CPNE4: variants seen among roughly 807,000 people sequenced by gnomAD.
The protein encoded by CPNE4 is copine-4.
In CPNE4, 25 loss-of-function variants were observed where a neutral mutation model predicts 67.9. The observed-to-expected ratio is 0.37, with a 90% CI of 0.27 to 0.51. The LOEUF (loss-of-function observed/expected upper bound fraction) is 0.51. Ranked by LOEUF, CPNE4 falls within the 20% of genes least tolerant of loss-of-function variation. CPNE4 has a pLI of 0.93. For synonymous variants in CPNE4, 242 were observed against 244.9 expected (o/e 0.99, Z 0.11); for missense variants, 464 against 690.8 (o/e 0.67, Z 3.68).
chr3:131,728,681 C>T (rs1032395976), intron 2 of CPNE4, among the ~76,000 whole-genome samples: 6 of 151,750 alleles, frequency 4.0e-5, no homozygotes, highest in Admixed American at 1.3e-4. Flanking sequence ...GAGGCCGAGG[C>T]GGGCGGATCA....
chr3:131,860,504 T>G (rs1426692953), intron 2 of CPNE4, among the ~76,000 whole-genome samples: 1 of 152,180 alleles, frequency 6.6e-6, no homozygotes, highest in Non-Finnish European at 1.5e-5. Context: ...CTCAGAGAAT[T>G]AAGACATCTG....
At chr3:131,843,915 TTTC>T (rs2085893721) in intron 2 of CPNE4, among the ~76,000 whole-genome samples, 1 of 152,162 alleles carries the variant, frequency 6.6e-6, no homozygotes, top group African/African-American at 2.4e-5. Context: ...AGAGCATGGA[TTTC>T]TTCTCCCTGA....
In CPNE4 at chr3:131,916,366, AC is replaced by A. The variant is rs1313960999; in HGVS notation, c.-1-10923del. ...CAGTTAGAAAAAAAAAAAAAAAAAAACAGAGCAGGATTATTCTTATGTTCAA... is the reference window on the plus strand; with the variant it reads ...CAGTTAGAAAAAAAAAAAAAAAAAAAAGAGCAGGATTATTCTTATGTTCAA... On this transcript the variant is annotated intron_variant, in intron 1 of 15. Coordinates refer to ENST00000429747, the MANE Select transcript of CPNE4 (RefSeq NM_130808.3). Among the ~76,000 whole-genome samples the A allele has an allele frequency of 2.8e-3, 405 of 144,238 alleles. 2 individuals carry two copies. The highest frequency in any genetic ancestry group is 9.8e-3 in the African/African-American group (384 of 39,048). 94.6% of individuals were successfully genotyped at this position (144,238 alleles called of 152,430 possible).
intron 2 of CPNE4, among the ~76,000 whole-genome samples, chr3:131,780,354 G>C (rs1306006225): frequency 6.6e-6 from 1 of 152,054 alleles, no homozygotes. Flanking sequence ...AATATAAATT[G>C]TTCTATCATA....
intron 1 of CPNE4, among the ~76,000 whole-genome samples, chr3:131,906,278 G>C (rs868476316): frequency 1.3e-5 from 2 of 151,002 alleles, no homozygotes; most frequent in South Asian, 2.1e-4. Flanking sequence ...TATACTTTAA[G>C]TTTTAGGGTA....
In CPNE4 at chr3:131,559,477, A is replaced by G. The variant is rs779531154; in HGVS notation, c.1062-3926T>C. ...GAGCTGATTTCTGATAGGTTTTTAT[A>G]GGCAAAAATTACACTGAAATTTCTA... On this transcript the variant is annotated intron_variant, in intron 11 of 15. Coordinates refer to ENST00000429747, the MANE Select transcript of CPNE4 (RefSeq NM_130808.3). Among the ~76,000 whole-genome samples the G allele has an allele frequency of 4.6e-5, 7 of 152,122 alleles. No individual in the cohort carries two copies. In the South Asian group the frequency reaches 8.3e-4, roughly 18 times the overall value.
intron 15 of CPNE4, chr3:131,537,562 C>T (rs1001223464): frequency 4.8e-5 from 12 of 250,270 alleles, no homozygotes; most frequent in African/African-American, 2.3e-4. Flanking sequence ...AGATTACAGG[C>T]GTGAGCCACC....
intron 7 of CPNE4, among the ~76,000 whole-genome samples, chr3:131,638,309 G>A (rs1417954004): frequency 2.0e-5 from 3 of 152,054 alleles, no homozygotes; most frequent in South Asian, 2.1e-4. Flanking sequence ...ACCTAACACA[G>A]AAGGACTCAC....
At chr3:131,776,258 A>G (rs181355950) in intron 2 of CPNE4, among the ~76,000 whole-genome samples, 1,093 of 99,472 alleles carry the variant, frequency 0.011, 15 homozygotes, top group African/African-American at 0.028. Flanking sequence ...TGATGTCAAT[A>G]CCTCCTTCAG....
intron 2 of CPNE4, among the ~76,000 whole-genome samples, chr3:131,874,059 A>G (rs1391441458): frequency 5.9e-5 from 9 of 151,826 alleles, no homozygotes; most frequent in African/African-American, 2.2e-4. Flanking sequence ...TTGGGGTCTG[A>G]GATTTACTTA....
At chr3:131,838,997 C>T (rs1455252829) in intron 2 of CPNE4, among the ~76,000 whole-genome samples, 3 of 151,776 alleles carry the variant, frequency 2.0e-5, no homozygotes, top group African/African-American at 7.2e-5. Context: ...TTTGATATAA[C>T]ACCTTATTCA....
At chr3:131,554,023 G>T (rs1936327073) in intron 12 of CPNE4, among the ~76,000 whole-genome samples, 1 of 152,032 alleles carries the variant, frequency 6.6e-6, no homozygotes, top group Non-Finnish European at 1.5e-5. Context: ...GTTACTCCAG[G>T]AAGGGAACCA....
intron 2 of CPNE4, among the ~76,000 whole-genome samples, chr3:131,732,625 A>T (rs998853222): frequency 7.9e-5 from 12 of 152,130 alleles, no homozygotes; most frequent in Admixed American, 3.9e-4. Flanking sequence ...AGTCCCTCTA[A>T]TAGTAGCTTC....
At position 131,884,360 on chromosome 3, in the gene CPNE4, A is replaced by G. The variant is rs529683969; in HGVS notation, c.180+20904T>C. On this transcript the variant is annotated intron_variant, in intron 2 of 15. Coordinates refer to ENST00000429747, the MANE Select transcript of CPNE4 (RefSeq NM_130808.3). Reference sequence around the variant, plus strand: ...TGTAATTGGGAAAATCTCAAGTAGTAGATGGAGAGTGGACAAGGAAATGAC... The same window carrying G: ...TGTAATTGGGAAAATCTCAAGTAGTGGATGGAGAGTGGACAAGGAAATGAC... Among the ~76,000 whole-genome samples, 23 of 152,296 alleles carry G rather than the reference A, an allele frequency of 1.5e-4. No homozygotes were observed. The South Asian group carries it at 4.4e-3, about 29-fold the overall frequency.
chr3:131,919,358 A>G (rs1017272237), intron 1 of CPNE4, among the ~76,000 whole-genome samples: 15 of 152,204 alleles, frequency 9.9e-5, no homozygotes, highest in Non-Finnish European at 1.5e-5. Flanking sequence ...CATAAGATGG[A>G]ATGCCATATA....
At chr3:131,871,974 C>G (rs1255230585) in intron 2 of CPNE4, among the ~76,000 whole-genome samples, 1 of 152,146 alleles carries the variant, frequency 6.6e-6, no homozygotes, top group Admixed American at 6.5e-5. Flanking sequence ...AAGATATATC[C>G]TGCCCCACAT....
chr3:131,764,708 AAAG>A (rs1339285869), intron 2 of CPNE4, among the ~76,000 whole-genome samples: 1 of 152,116 alleles, frequency 6.6e-6, no homozygotes, highest in Non-Finnish European at 1.5e-5. Flanking sequence ...TCACAACTCA[AAAG>A]AAGAAGACTG....
intron 1 of CPNE4, among the ~76,000 whole-genome samples, chr3:131,918,636 G>A (rs1337696609): frequency 6.6e-6 from 1 of 152,150 alleles, no homozygotes; most frequent in African/African-American, 2.4e-5. Context: ...CTACAGAGCT[G>A]TGTGCTAGGG....
chr3:131,841,055 C>T (rs1201492052), intron 2 of CPNE4, among the ~76,000 whole-genome samples: 1 of 152,142 alleles, frequency 6.6e-6, no homozygotes, highest in African/African-American at 2.4e-5. Context: ...AGTCTATCAC[C>T]ATACTAAGCT....
Sources: allele counts gnomAD v4.1 joint callset (sites outside exome capture counted in the v4.1 genomes callset), GRCh38; gene constraint gnomAD v4.1.1; transcripts MANE v1.5; gene names NCBI Gene and HGNC (gene_info 2026-07-23, HGNC 2026-07-21).